CCDC102B: variants seen among roughly 807,000 people sequenced by gnomAD.
CCDC102B encodes coiled-coil domain-containing protein 102B.
Under a neutral mutation model 57.4 loss-of-function variants are expected in CCDC102B, and 75 were observed. That is an observed-to-expected ratio of 1.31 (90% CI 1.08 to 1.58). CCDC102B has a LOEUF of 1.58. Among genes scored for constraint, CCDC102B ranks in the 40% most tolerant of loss-of-function variants. The probability of loss-of-function intolerance (pLI) is 0.00; values close to 1 mark genes in which losing one functional copy is unlikely to be tolerated. For synonymous variants in CCDC102B, 206 were observed against 201.9 expected (o/e 1.02, Z -0.17); for missense variants, 636 against 582.6 (o/e 1.09, Z -0.94).
intron 1 of CCDC102B, among the ~76,000 whole-genome samples, chr18:68,809,475 T>A (rs537150653): frequency 1.2e-4 from 19 of 152,354 alleles, no homozygotes; most frequent in African/African-American, 4.6e-4. Flanking sequence ...AAAATTATAA[T>A]GTTCAGAGCA....
chr18:68,928,980 G>A (rs979349653), intron 6 of CCDC102B, among the ~76,000 whole-genome samples: 2 of 151,890 alleles, frequency 1.3e-5, no homozygotes, highest in Non-Finnish European at 1.5e-5. Context: ...CCTTTCTGAA[G>A]TGGTGATGAG....
chr18:68,846,958 A>C (rs1391067923), intron 4 of CCDC102B, among the ~76,000 whole-genome samples: 1 of 151,688 alleles, frequency 6.6e-6, no homozygotes, highest in African/African-American at 2.4e-5. Flanking sequence ...TTTCTTTTGC[A>C]TTTTCATCAA....
rs577538585 is a variant in CCDC102B, at chr18:68,868,599, C to T, written c.937-6070C>T. Among the ~76,000 whole-genome samples, 8 of 152,332 alleles carry T rather than the reference C, an allele frequency of 5.3e-5. No individual in the cohort carries two copies. In the South Asian group the frequency reaches 1.7e-3, roughly 32 times the overall value. On this transcript the variant is annotated intron_variant, in intron 4 of 7. Coordinates refer to ENST00000360242, the MANE Select transcript of CCDC102B (RefSeq NM_024781.3). ...GTCTACTCTTTGGACACATTTCCTT[C>T]TTACGTTCCTCACCTTTCATAAGAA...
chr18:68,804,926 A>G (rs1388627545), intron 1 of CCDC102B, among the ~76,000 whole-genome samples: 1 of 150,902 alleles, frequency 6.6e-6, no homozygotes, highest in African/African-American at 2.4e-5. Context: ...GGAATAATCT[A>G]ATCTAGAGAG....
intron 6 of CCDC102B, among the ~76,000 whole-genome samples, chr18:68,986,260 C>G (rs1023917981): frequency 6.6e-6 from 1 of 152,098 alleles, no homozygotes; most frequent in Non-Finnish European, 1.5e-5. Flanking sequence ...ATCAGCAAAA[C>G]TGAATCCAGC....
chr18:68,919,242 G>A (rs779320061), intron 6 of CCDC102B, among the ~76,000 whole-genome samples: 9 of 152,044 alleles, frequency 5.9e-5, no homozygotes, highest in Non-Finnish European at 1.0e-4. Context: ...GTTATTCACT[G>A]TATGTGCATG....
chr18:68,838,989 T>C (rs1411009347), intron 3 of CCDC102B, 63 bp downstream of exon 3: 1 of 1,258,916 alleles, frequency 7.9e-7, no homozygotes, highest in African/African-American at 1.5e-5. Flanking sequence ...AAATTGTTAA[T>C]ACAGATAGAT....
intron 6 of CCDC102B, among the ~76,000 whole-genome samples, chr18:68,956,852 T>G (rs114583541): frequency 6.6e-6 from 1 of 151,330 alleles, no homozygotes; most frequent in Non-Finnish European, 1.5e-5. Context: ...TCGCTGTAAT[T>G]TTGACTTGCA....
chr18:68,801,506 T>C (rs1375657589), intron 1 of CCDC102B, among the ~76,000 whole-genome samples: 1 of 152,112 alleles, frequency 6.6e-6, no homozygotes, highest in East Asian at 1.9e-4. Context: ...AAATATTTGA[T>C]GTTAAAATTT....
intron 1 of CCDC102B, among the ~76,000 whole-genome samples, chr18:68,830,512 A>G (rs955191155): frequency 6.8e-6 from 1 of 146,696 alleles, no homozygotes; most frequent in Non-Finnish European, 1.5e-5. Context: ...GTTCACTAAA[A>G]CCTTGGCATG....
At chr18:68,920,210 T>C (rs1318649067) in intron 6 of CCDC102B, among the ~76,000 whole-genome samples, 1 of 152,118 alleles carries the variant, frequency 6.6e-6, no homozygotes, top group Non-Finnish European at 1.5e-5. Flanking sequence ...AGTGAGAACA[T>C]CCAGTGTTTG....
At chr18:68,764,740 T>C (rs530953204) in intron 2 of CCDC102B, among the ~76,000 whole-genome samples, 2 of 152,112 alleles carry the variant, frequency 1.3e-5, no homozygotes, top group South Asian at 4.1e-4. Context: ...AAAATATCCA[T>C]CAACACTTTC....
intron 1 of CCDC102B, among the ~76,000 whole-genome samples, chr18:68,825,775 A>G (rs2036882946): frequency 6.6e-6 from 1 of 152,166 alleles, no homozygotes; most frequent in Admixed American, 6.5e-5. Flanking sequence ...ATCTTTGCAT[A>G]CCCCTCAGTG....
chr18:68,765,367 AAGAAAGAAAGAAAAG>A (rs2034424615), intron 2 of CCDC102B, among the ~76,000 whole-genome samples: 1 of 147,636 alleles, frequency 6.8e-6, no homozygotes, highest in African/African-American at 2.6e-5. Flanking sequence ...GAAAGAAAGA[AAGAAAGAAAGAAAAG>A]AAAGAAAGAA....
intron 3 of CCDC102B, among the ~76,000 whole-genome samples, chr18:68,841,580 A>T (rs2037632493): frequency 6.6e-6 from 1 of 152,212 alleles, no homozygotes; most frequent in African/African-American, 2.4e-5. Flanking sequence ...CAAGTAACAG[A>T]GACTGAGATA....
chr18:68,951,424 TA>T (rs1428053201), intron 6 of CCDC102B, among the ~76,000 whole-genome samples: 1 of 152,160 alleles, frequency 6.6e-6, no homozygotes, highest in Non-Finnish European at 1.5e-5. Context: ...ATTTTAAAAC[TA>T]GGATGATTGT....
At chr18:68,999,374 A>G (rs2051137907) in intron 6 of CCDC102B, among the ~76,000 whole-genome samples, 1 of 151,616 alleles carries the variant, frequency 6.6e-6, no homozygotes, top group African/African-American at 2.4e-5. Context: ...AGGCGGATGG[A>G]TCACTTGAGG....
At chr18:68,765,304 GGAAGGAAGGAAGGAAGGAAGGAAAGAAA>G (rs2034394937) in intron 2 of CCDC102B, among the ~76,000 whole-genome samples, 2 of 86,842 alleles carry the variant, frequency 2.3e-5, no homozygotes, top group South Asian at 4.4e-4. Context: ...AAGGAAGGAA[GGAAGGAAGGAAGGAAGGAAGGAAAGAAA>G]GAAAGAAAGA....
rs151117218 is a variant in CCDC102B at position 68,833,781 on chromosome 18, C to T, written c.-15-2968C>T. Among the ~76,000 whole-genome samples the T allele has an allele frequency of 2.5e-3, 377 of 152,178 alleles. 5 individuals carry two copies. In the East Asian group the frequency reaches 0.046, roughly 19 times the overall value. On this transcript the variant is annotated intron_variant, in intron 1 of 7. Coordinates refer to ENST00000360242, the MANE Select transcript of CCDC102B (RefSeq NM_024781.3). ...AGTGATATTATATATACTTTGTAGACCCTTAACATTTTATTTATTTGGTTA... is the reference window on the plus strand; with the variant it reads ...AGTGATATTATATATACTTTGTAGATCCTTAACATTTTATTTATTTGGTTA...
Sources: allele counts gnomAD v4.1 joint callset (sites outside exome capture counted in the v4.1 genomes callset), GRCh38; gene constraint gnomAD v4.1.1; transcripts MANE v1.5; gene names NCBI Gene and HGNC (gene_info 2026-07-23, HGNC 2026-07-21).